Variants in KIF13A observed in about 807,000 individuals in gnomAD.
KIF13A encodes the protein kinesin-like protein KIF13A.
Under a neutral mutation model 212.2 loss-of-function variants are expected in KIF13A, and 79 were observed. That is an observed-to-expected ratio of 0.37 (90% CI 0.31 to 0.45). The LOEUF is 0.45. Among genes scored for constraint, KIF13A ranks in the 20% least tolerant of loss-of-function variants. KIF13A has a pLI of 1.00. For synonymous variants in KIF13A, 789 were observed against 808.6 expected, an observed-to-expected ratio of 0.98 and a Z score of 0.41; for missense variants, 1,901 against 2,209.0, an observed-to-expected ratio of 0.86 and a Z score of 2.79.
chr6:17,784,549 G>A (rs563993968), intron 28 of KIF13A, among the ~76,000 whole-genome samples: 95 of 152,278 alleles, frequency 6.2e-4, no homozygotes, highest in Non-Finnish European at 1.2e-3. Context: ...AAGAAGAGTC[G>A]TGGGTCCTTC....
intron 7 of KIF13A, among the ~76,000 whole-genome samples, chr6:17,851,545 G>T (rs926934722): frequency 2.6e-5 from 4 of 152,220 alleles, no homozygotes; most frequent in African/African-American, 9.7e-5. Flanking sequence ...CAAGAGGAGT[G>T]ATTCAGAAAA....
rs1278651574 is a variant in KIF13A at position 17,919,396 on chromosome 6, C to T, written c.147-21216G>A. On this transcript the variant is annotated intron_variant, in intron 2 of 38. Coordinates refer to ENST00000259711, the MANE Select transcript of KIF13A (RefSeq NM_022113.6). The surrounding 1 kb of genome is among the most constrained non-coding windows in gnomAD (Gnocchi z 4.1). ...TCAAAAGTTATATTAATGTCTGATC[C>T]AACATGGATTCATATTCAACTTAGG... Among the ~76,000 whole-genome samples the T allele has an allele frequency of 6.6e-6, 1 of 152,186 alleles. No individual in the cohort carries two copies. The highest frequency in any genetic ancestry group is 1.5e-5 in the Non-Finnish European group (1 of 68,034).
At chr6:17,889,623 C>T (rs183465723) in intron 3 of KIF13A, among the ~76,000 whole-genome samples, 8 of 152,262 alleles carry the variant, frequency 5.3e-5, no homozygotes, top group Admixed American at 5.2e-4. Flanking sequence ...TAGAAAAACT[C>T]ATTTACAATC....
chr6:17,930,276 G>A (rs1775879189), intron 2 of KIF13A, among the ~76,000 whole-genome samples: 1 of 152,194 alleles, frequency 6.6e-6, no homozygotes, highest in South Asian at 2.1e-4. Context: ...GATGAAAGAA[G>A]TACCAGCTTA....
In KIF13A at chr6:17,899,460, G is replaced by C. The variant is rs1772866626; in HGVS notation, c.147-1280C>G. Among the ~76,000 whole-genome samples, 1 of 152,170 alleles carries C rather than the reference G, an allele frequency of 6.6e-6. No individual in the cohort carries two copies. The highest frequency in any genetic ancestry group is 2.4e-5 in the African/African-American group (1 of 41,444). On this transcript the variant is annotated intron_variant, in intron 2 of 38. Coordinates refer to ENST00000259711, the MANE Select transcript of KIF13A (RefSeq NM_022113.6). This position sits in a 1 kb window ranked among gnomAD's most constrained non-coding sequence, Gnocchi z 5.2. ...GCAGGATGCTTTTTCTCCATCACTG[G>C]GTGCGACACTCCTTACAGAGCTCTG...
At position 17,764,028 on chromosome 6, in the gene KIF13A, C is replaced by T. The variant is rs1294797125; in HGVS notation, c.*82G>A. On this transcript the variant is annotated 3_prime_UTR_variant, in exon 39 of 39. Transcript: ENST00000259711. This position sits in a 1 kb window ranked among gnomAD's most constrained non-coding sequence, Gnocchi z 5.1. ...CTGCTTCTCTGTGGGCTCATCTTTG[C>T]TGTCACAAACAACTGGATGAATCTT... is the stretch of plus-strand genomic sequence containing the variant. The T allele has an allele frequency of 1.3e-6, 2 of 1,504,696 alleles. No homozygotes were observed. The highest frequency in any genetic ancestry group is 2.4e-5 in the East Asian group (1 of 42,378). The allele number at this position is 1,504,696 out of a possible 1,614,324, so 93.2% of individuals were successfully genotyped here.
At chr6:17,894,753 A>G (rs917721823) in intron 3 of KIF13A, among the ~76,000 whole-genome samples, 3 of 152,198 alleles carry the variant, frequency 2.0e-5, no homozygotes, top group South Asian at 2.1e-4. Context: ...TGACAAATGC[A>G]TAATGTCATA....
At chr6:17,767,337 C>T (rs1309754327) in intron 38 of KIF13A, among the ~76,000 whole-genome samples, 1 of 152,012 alleles carries the variant, frequency 6.6e-6, no homozygotes, top group African/African-American at 2.4e-5. Flanking sequence ...TCACTGCAAC[C>T]TCTGCCTCCC....
At chr6:17,784,373 G>C (rs9383323) in intron 28 of KIF13A, among the ~76,000 whole-genome samples, 13 of 152,026 alleles carry the variant, frequency 8.6e-5, no homozygotes, top group African/African-American at 3.1e-4. Flanking sequence ...CACCAAGATC[G>C]TGCCACTGGT....
chr6:17,774,915 A>C, intron 35 of KIF13A, 100 bp downstream of exon 35: 2 of 785,768 alleles, frequency 2.5e-6, no homozygotes, highest in Non-Finnish European at 2.0e-6. Flanking sequence ...AACTGACAGG[A>C]TCAACCAGGT....
Position 17,938,525 on chromosome 6 carries a change from C to T in KIF13A, c.147-40345G>A, listed in dbSNP as rs7749606. Among the ~76,000 whole-genome samples the T allele has an allele frequency of 7.7e-3, 1,176 of 152,204 alleles. 17 individuals carry two copies. Among genetic ancestry groups the T allele is most frequent in the African/African-American group, 0.027 (1,120 of 41,524 alleles). ...TTGCCCAGTCTAATTTCTCACCTAA[C>T]GAAGAATTGGGCTTATTATATTGCG... is the stretch of plus-strand genomic sequence containing the variant. On this transcript the variant is annotated intron_variant, in intron 2 of 38. Transcript: ENST00000259711.
chr6:17,806,617 T>C (rs1253300501), intron 18 of KIF13A, among the ~76,000 whole-genome samples: 2 of 152,192 alleles, frequency 1.3e-5, no homozygotes, highest in Non-Finnish European at 2.9e-5. Context: ...CGGTGGCTCA[T>C]GCCTGTAATC....
intron 25 of KIF13A, among the ~76,000 whole-genome samples, chr6:17,791,624 G>T (rs1561976648): frequency 6.6e-6 from 1 of 152,034 alleles, no homozygotes; most frequent in African/African-American, 2.4e-5. Flanking sequence ...ACAGTTGCTG[G>T]GTGTGGTGGC....
rs762987259 is a variant in KIF13A at position 17,772,025 on chromosome 6, G to C, written c.4359C>G (p.Val1453=). Residue 1453 remains valine, a synonymous_variant, in exon 37 of 39, where the codon GTC becomes GTG. Transcript: ENST00000259711. The surrounding 1 kb of genome is among the most constrained non-coding windows in gnomAD (Gnocchi z 4.8). ...CTSETPHALT[V]SPFKAFSPQP... is the part of the protein sequence containing the mutation. ...GAGGAGAGAATGCTTTAAAAGGGCT[G>C]ACGGTTAAGGCATGAGGAGTCTCTG... The C allele has an allele frequency of 2.5e-6, 4 of 1,613,962 alleles. No individual in the cohort carries two copies. Among genetic ancestry groups the C allele is most frequent in the Non-Finnish European group, 3.4e-6 (4 of 1,179,840 alleles).
rs117652180 is a variant in KIF13A, at chr6:17,878,735, A to G, written c.160-5298T>C. Among the ~76,000 whole-genome samples, 262 of 152,336 alleles carry G rather than the reference A, an allele frequency of 1.7e-3. 2 individuals are homozygous for G. In the East Asian group the frequency reaches 0.031, roughly 18 times the overall value. On this transcript the variant is annotated intron_variant, in intron 3 of 38. Coordinates refer to ENST00000259711, the MANE Select transcript of KIF13A (RefSeq NM_022113.6). ...ATTCCAAAGTCTGTGAAAACTTCTA[A>G]CAATCAAAGAGTTAATCATTTAAAG...
At position 17,768,549 on chromosome 6, in the gene KIF13A, T is replaced by C. The variant is rs1336810500; in HGVS notation, c.4581+2565A>G. Among the ~76,000 whole-genome samples, 1 of 152,208 alleles carries C rather than the reference T, an allele frequency of 6.6e-6. No individual in the cohort carries two copies. Among genetic ancestry groups the C allele is most frequent in the Non-Finnish European group, 1.5e-5 (1 of 68,018 alleles). ...TACTTCTGTCCATGGTACTGAGGAG[T>C]GAGCCCTTTATCTGAAGAGCAGCTG... On this transcript the variant is annotated intron_variant, in intron 38 of 38. Coordinates refer to ENST00000259711, the MANE Select transcript of KIF13A (RefSeq NM_022113.6). This position sits in a 1 kb window ranked among gnomAD's most constrained non-coding sequence, Gnocchi z 5.4.
intron 2 of KIF13A, among the ~76,000 whole-genome samples, chr6:17,902,212 C>G (rs1773112161): frequency 6.6e-6 from 1 of 152,132 alleles, no homozygotes. Flanking sequence ...TAGAAAACAG[C>G]ATTTCACTAA....
chr6:17,977,672 TAAG>T (rs752682812), intron 2 of KIF13A, among the ~76,000 whole-genome samples: 3 of 152,168 alleles, frequency 2.0e-5, no homozygotes, highest in Admixed American at 2.0e-4. Flanking sequence ...AGAGGAAAAA[TAAG>T]AATAACTGAT....
intron 3 of KIF13A, among the ~76,000 whole-genome samples, chr6:17,889,841 T>C (rs1419834507): frequency 6.6e-6 from 1 of 152,072 alleles, no homozygotes; most frequent in Non-Finnish European, 1.5e-5. Flanking sequence ...TAAAAAGATT[T>C]AAATCATCTA....
Sources: gnomAD v4.1 joint callset for allele counts (sites outside exome capture counted in the v4.1 genomes callset) on GRCh38, gnomAD v4.1.1 for gene constraint, Gnocchi (gnomAD v3.1) non-coding constraint, MANE v1.5 for transcripts, NCBI Gene and HGNC (gene_info 2026-07-23, HGNC 2026-07-21) for gene names.